MAST2: variants seen among roughly 807,000 people sequenced by gnomAD.
MAST2 encodes the protein microtubule associated serine/threonine kinase 2, also known as microtubule-associated serine/threonine-protein kinase 2.
In MAST2, 70 loss-of-function variants were observed where a neutral mutation model predicts 147.4. The ratio of observed to expected loss-of-function variants is 0.47; its 90% CI spans 0.39 to 0.58. The LOEUF is 0.58. Ranked by LOEUF, MAST2 falls within the 20% of genes least tolerant of loss-of-function variation. The pLI is 0.00. For synonymous variants in MAST2, 869 were observed against 896.8 expected (o/e 0.97, Z 0.55); for missense variants, 2,080 against 2,302.3 (o/e 0.90, Z 1.98).
chr1:45,817,996 A>T (rs1285409479), intron 1 of MAST2, among the ~76,000 whole-genome samples: 1 of 152,206 alleles, frequency 6.6e-6, no homozygotes, highest in Non-Finnish European at 1.5e-5. Flanking sequence ...CTGGTCATGG[A>T]AATGTTTTCT....
chr1:45,858,573 C>G lies in MAST2; in HGVS notation c.469-23791C>G, dbSNP rs1645870959. On this transcript the variant is annotated intron_variant, in intron 3 of 28. Transcript: ENST00000361297. ...CCCCATTCTGTAGGTTGCCTGTTCACTCTGATGGTAGTTTCTTTTGCTGTG... is the reference window on the plus strand; with the variant it reads ...CCCCATTCTGTAGGTTGCCTGTTCAGTCTGATGGTAGTTTCTTTTGCTGTG... Among the ~76,000 whole-genome samples the G allele has an allele frequency of 2.0e-5, 3 of 148,164 alleles. 1 individual carries two copies. In the South Asian group the frequency reaches 6.8e-4, roughly 33 times the overall value.
intron 4 of MAST2, among the ~76,000 whole-genome samples, chr1:45,887,396 A>T (rs1356313096): frequency 1.3e-5 from 2 of 152,076 alleles, no homozygotes; most frequent in Non-Finnish European, 2.9e-5. Flanking sequence ...GTGTGTGTTG[A>T]TATTATTGGC....
intron 4 of MAST2, among the ~76,000 whole-genome samples, chr1:45,890,641 A>G (rs1647603229): frequency 6.6e-6 from 1 of 152,188 alleles, no homozygotes; most frequent in African/African-American, 2.4e-5. Flanking sequence ...ATATAGTCAG[A>G]TTGGGGGTAA....
At chr1:45,993,041 C>A (rs1353519259) in intron 5 of MAST2, among the ~76,000 whole-genome samples, 1 of 152,038 alleles carries the variant, frequency 6.6e-6, no homozygotes, top group African/African-American at 2.4e-5. Flanking sequence ...TAAGAATCTT[C>A]CATTTCTCCC....
intron 3 of MAST2, among the ~76,000 whole-genome samples, chr1:45,864,909 C>T (rs942891377): frequency 6.6e-6 from 1 of 152,206 alleles, no homozygotes; most frequent in Non-Finnish European, 1.5e-5. Flanking sequence ...TGTATCTATA[C>T]TTCTGTGAAG....
In MAST2 at chr1:46,035,338, C is replaced by G; in HGVS notation, c.4669C>G (p.Pro1557Ala). The G allele has an allele frequency of 6.2e-7, 1 of 1,613,782 alleles. No homozygotes were observed. Among genetic ancestry groups the G allele is most frequent in the Non-Finnish European group, 8.5e-7 (1 of 1,179,922 alleles). Residue 1557 changes from proline (P) to alanine (A), a missense_variant, in exon 29 of 29, where the codon CCA becomes GCA. Pro to Ala is a conservative substitution (Grantham distance 27). Transcript: ENST00000361297. This position sits in a 1 kb window ranked among gnomAD's most constrained non-coding sequence, Gnocchi z 5.5. ...FPSRDPRSLGPMVPSLLTGIT... is the reference protein window; with the variant it reads ...FPSRDPRSLGAMVPSLLTGIT... ...GTCCAGAGACCCTAGGAGCCTGGGC[C>G]CAATGGTCCCAAGCCTATTGACAGG... is the stretch of plus-strand genomic sequence containing the variant.
intron 5 of MAST2, among the ~76,000 whole-genome samples, chr1:45,976,475 TA>T (rs1557992277): frequency 6.6e-6 from 1 of 152,106 alleles, no homozygotes; most frequent in African/African-American, 2.4e-5. Context: ...CACATGCCTG[TA>T]ATCCCAGCTA....
chr1:45,849,867 T>C (rs978613235), intron 3 of MAST2, among the ~76,000 whole-genome samples: 1 of 152,186 alleles, frequency 6.6e-6, no homozygotes, highest in African/African-American at 2.4e-5. Flanking sequence ...GGCACCTAGG[T>C]TGATCCCATG....
chr1:45,923,899 T>C (rs2148661794), intron 4 of MAST2, among the ~76,000 whole-genome samples: 1 of 152,294 alleles, frequency 6.6e-6, no homozygotes, highest in South Asian at 2.1e-4. Flanking sequence ...TGAGACAAGT[T>C]CTCACTCTGT....
chr1:45,930,517 A>C, intron 4 of MAST2, among the ~76,000 whole-genome samples: 1 of 152,064 alleles, frequency 6.6e-6, no homozygotes. Flanking sequence ...TCAACTGCAT[A>C]CTAGGCCCTC....
At chr1:45,841,275 C>A (rs897671157) in intron 3 of MAST2, among the ~76,000 whole-genome samples, 1 of 151,910 alleles carries the variant, frequency 6.6e-6, no homozygotes, top group Admixed American at 6.6e-5. Context: ...GTTTTTTGTT[C>A]AATTAAGTCA....
At chr1:45,808,430 A>G (rs1407469811) in intron 1 of MAST2, among the ~76,000 whole-genome samples, 1 of 152,104 alleles carries the variant, frequency 6.6e-6, no homozygotes, top group Admixed American at 6.6e-5. Flanking sequence ...GCTGGTCTCG[A>G]ACTCCTGAGC....
intron 5 of MAST2, among the ~76,000 whole-genome samples, chr1:45,962,414 A>G (rs1660562081): frequency 6.6e-6 from 1 of 152,070 alleles, no homozygotes; most frequent in South Asian, 2.1e-4. Context: ...CTATTTCTCC[A>G]CATCCTCTCC....
intron 4 of MAST2, among the ~76,000 whole-genome samples, chr1:45,942,398 G>A (rs964395555): frequency 1.3e-5 from 2 of 152,168 alleles, no homozygotes; most frequent in African/African-American, 4.8e-5. Context: ...ATGAGGACAT[G>A]GAGATGCATA....
intron 3 of MAST2, among the ~76,000 whole-genome samples, chr1:45,841,629 C>G (rs964959774): frequency 6.6e-6 from 1 of 152,020 alleles, no homozygotes; most frequent in Non-Finnish European, 1.5e-5. Flanking sequence ...TGTCAGAACC[C>G]GGCAGTGGAG....
At chr1:45,906,306 AC>A (rs957354454) in intron 4 of MAST2, among the ~76,000 whole-genome samples, 20 of 152,220 alleles carry the variant, frequency 1.3e-4, no homozygotes, top group African/African-American at 4.3e-4. Context: ...GATGATCCTG[AC>A]CCTGTGTACA....
At chr1:45,954,438 G>A (rs1659374114) in intron 4 of MAST2, among the ~76,000 whole-genome samples, 1 of 152,152 alleles carries the variant, frequency 6.6e-6, no homozygotes, top group Non-Finnish European at 1.5e-5. Context: ...ACCATGGCGA[G>A]GTATGTAAGA....
At chr1:45,932,374 A>G (rs949286465) in intron 4 of MAST2, among the ~76,000 whole-genome samples, 1 of 152,144 alleles carries the variant, frequency 6.6e-6, no homozygotes, top group Admixed American at 6.5e-5. Flanking sequence ...TTACTTTATT[A>G]TACTGTATAA....
intron 5 of MAST2, among the ~76,000 whole-genome samples, chr1:45,977,511 ACAAAAAGGCCGGGTGCAGTGGCTCACG>A: frequency 6.7e-6 from 1 of 149,764 alleles, no homozygotes; most frequent in African/African-American, 2.5e-5. Flanking sequence ...AAACAAACAA[ACAAAAAGGCCGGGTGCAGTGGCTCACG>A]CCTGTAATCC....
Sources: gnomAD v4.1 joint callset for allele counts (sites outside exome capture counted in the v4.1 genomes callset) on GRCh38, gnomAD v4.1.1 for gene constraint, Gnocchi (gnomAD v3.1) non-coding constraint, MANE v1.5 for transcripts, NCBI Gene and HGNC (gene_info 2026-07-23, HGNC 2026-07-21) for gene names.